The following TRIM71 variants were observed in gnomAD, a reference collection of about 807,000 sequenced individuals.
TRIM71 encodes the protein E3 ubiquitin-protein ligase TRIM71.
Under a neutral mutation model 61.2 loss-of-function variants are expected in TRIM71, and 9 were observed. That is an observed-to-expected ratio of 0.15 (90% CI 0.09 to 0.26). TRIM71 has a LOEUF of 0.26. Ranked by LOEUF, TRIM71 falls within the 10% of genes least tolerant of loss-of-function variation. The pLI, the probability that TRIM71 is intolerant of heterozygous loss-of-function variation, is 1.00. For missense variants in TRIM71, 998 were observed against 1,238.7 expected, an observed-to-expected ratio of 0.81 and a Z score of 2.92; for synonymous variants, 645 against 553.2, an observed-to-expected ratio of 1.17 and a Z score of -2.33.
chr3:32,825,979 G>GGA (rs1696195795), intron 1 of TRIM71, among the ~76,000 whole-genome samples: 1 of 152,252 alleles, frequency 6.6e-6, no homozygotes, highest in African/African-American at 2.4e-5. Context: ...CTAAAAAGTG[G>GGA]GAGGAGTAGG....
chr3:32,862,060 T>G (rs147260311), intron 1 of TRIM71, among the ~76,000 whole-genome samples: 1 of 152,330 alleles, frequency 6.6e-6, no homozygotes, highest in East Asian at 1.9e-4. Flanking sequence ...ATATCTTAAC[T>G]GCTTGATTTT....
Position 32,832,106 on chromosome 3 carries a change from G to C in TRIM71, c.852+13174G>C, listed in dbSNP as rs377233332. Reference sequence around the variant, plus strand: ...AGGAAAAGGTGAATTGTGGTGGGGGGGGATTCTCTACTTCCCTATATGGCC... The same window carrying C: ...AGGAAAAGGTGAATTGTGGTGGGGGCGGATTCTCTACTTCCCTATATGGCC... On this transcript the variant is annotated intron_variant, in intron 1 of 3. Transcript: ENST00000383763. 7.0e-4 allele frequency among the ~76,000 whole-genome samples: 107 copies of C among 152,076 alleles called. 1 individual carries two copies. Among genetic ancestry groups the C allele is most frequent in the African/African-American group, 2.1e-3 (87 of 41,424 alleles).
At chr3:32,864,580 A>G (rs1696708532) in intron 1 of TRIM71, among the ~76,000 whole-genome samples, 1 of 152,194 alleles carries the variant, frequency 6.6e-6, no homozygotes, top group African/African-American at 2.4e-5. Flanking sequence ...CGTGTTGTTT[A>G]TTCGAGATCC....
intron 2 of TRIM71, among the ~76,000 whole-genome samples, chr3:32,883,680 G>C (rs917614563): frequency 6.6e-6 from 1 of 152,206 alleles, no homozygotes; most frequent in Non-Finnish European, 1.5e-5. Context: ...CTGATGTTTG[G>C]AGGGACAATA....
At chr3:32,857,995 G>C (rs1022240331) in intron 1 of TRIM71, among the ~76,000 whole-genome samples, 1 of 150,452 alleles carries the variant, frequency 6.6e-6, no homozygotes, top group Admixed American at 6.6e-5. Context: ...GACACAAAAA[G>C]AAGAAGAAAA....
intron 3 of TRIM71, among the ~76,000 whole-genome samples, chr3:32,889,467 T>C (rs1696997992): frequency 6.7e-6 from 1 of 149,976 alleles, no homozygotes; most frequent in Admixed American, 6.7e-5. Context: ...TTAACTTTTA[T>C]TTTTTTTAAT....
intron 1 of TRIM71, among the ~76,000 whole-genome samples, chr3:32,871,616 C>T (rs1010447618): frequency 6.6e-6 from 1 of 152,182 alleles, no homozygotes; most frequent in African/African-American, 2.4e-5. Flanking sequence ...AGGAATTTTT[C>T]CTGAATTTAT....
chr3:32,829,101 C>G lies in TRIM71; in HGVS notation c.852+10169C>G, dbSNP rs571198858. Among the ~76,000 whole-genome samples the G allele has an allele frequency of 2.0e-5, 3 of 151,910 alleles. No homozygotes were observed. In the East Asian group the frequency reaches 5.8e-4, roughly 29 times the overall value. On this transcript the variant is annotated intron_variant, in intron 1 of 3. Coordinates refer to ENST00000383763, the MANE Select transcript of TRIM71 (RefSeq NM_001039111.3). ...CTCCGCTTCCCAGGTTCAAGCAATT[C>G]TTCTGCCTCAGCCTCCTGAGTAGCT...
chr3:32,880,498 T>A (rs935471984), intron 2 of TRIM71, among the ~76,000 whole-genome samples: 3 of 152,224 alleles, frequency 2.0e-5, no homozygotes, highest in South Asian at 4.1e-4. Flanking sequence ...TCCTAACTTA[T>A]GACTTTAAAG....
At chr3:32,836,939 T>G (rs1696340900) in intron 1 of TRIM71, among the ~76,000 whole-genome samples, 2 of 152,358 alleles carry the variant, frequency 1.3e-5, no homozygotes, top group African/African-American at 4.8e-5. Context: ...AAACGACCCA[T>G]TCCTTCAGCA....
intron 1 of TRIM71, among the ~76,000 whole-genome samples, chr3:32,870,395 G>A (rs189154392): frequency 1.8e-4 from 28 of 152,060 alleles, no homozygotes; most frequent in African/African-American, 6.5e-4. Context: ...TGTTGCAGGC[G>A]GCCTGGAGCT....
intron 1 of TRIM71, among the ~76,000 whole-genome samples, chr3:32,821,196 AT>A (rs1287965048): frequency 1.3e-5 from 2 of 152,146 alleles, no homozygotes; most frequent in Non-Finnish European, 2.9e-5. Flanking sequence ...GCTTTAGGAC[AT>A]TTTTGGAGGA....
chr3:32,850,990 A>C (rs2125681998), intron 1 of TRIM71, among the ~76,000 whole-genome samples: 1 of 152,322 alleles, frequency 6.6e-6, no homozygotes, highest in South Asian at 2.1e-4. Flanking sequence ...CACAAAATGA[A>C]AAACAAATTA....
chr3:32,879,847 G>A (rs1050890738), intron 2 of TRIM71, among the ~76,000 whole-genome samples: 1 of 151,748 alleles, frequency 6.6e-6, no homozygotes, highest in African/African-American at 2.4e-5. Flanking sequence ...CATGTTGCGT[G>A]TCTGTAGTCC....
intron 1 of TRIM71, among the ~76,000 whole-genome samples, chr3:32,840,785 T>TGACTGGC (rs1696395287): frequency 6.6e-6 from 1 of 152,092 alleles, no homozygotes; most frequent in Non-Finnish European, 1.5e-5. Context: ...CTAACACTGG[T>TGACTGGC]GAAGCCTTGC....
In TRIM71 at chr3:32,829,652, T is replaced by TGTGTGTGTGTGTGTGTG. The variant is rs1575341635; in HGVS notation, c.852+10720_852+10721insGTGTGTGTGTGTGTGTG. On this transcript the variant is annotated intron_variant, in intron 1 of 3. Coordinates refer to ENST00000383763, the MANE Select transcript of TRIM71 (RefSeq NM_001039111.3). ...TGTGTGTGTGTGTGTGTGTGTGTGT[T>TGTGTGTGTGTGTGTGTG]TGTGTGTGCGTGTGTGTGCATTGGA... Among the ~76,000 whole-genome samples the TGTGTGTGTGTGTGTGTG allele has an allele frequency of 6.1e-5, 5 of 81,872 alleles. No individual in the cohort carries two copies. The East Asian group carries it at 1.8e-3, about 29-fold the overall frequency. 53.7% of individuals were successfully genotyped at this position (81,872 alleles called of 152,430 possible).
intron 1 of TRIM71, among the ~76,000 whole-genome samples, chr3:32,870,796 C>A (rs752562873): frequency 2.0e-5 from 3 of 152,090 alleles, no homozygotes; most frequent in Non-Finnish European, 4.4e-5. Flanking sequence ...CTGGCTCAGC[C>A]CAGAACTTAC....
chr3:32,888,363 C>A (rs1335688675), intron 3 of TRIM71, among the ~76,000 whole-genome samples: 1 of 143,992 alleles, frequency 6.9e-6, no homozygotes, highest in Non-Finnish European at 1.5e-5. Flanking sequence ...CTTTGGGAGG[C>A]TGAGGTGGGA....
rs746444692 is a variant in TRIM71 at position 32,818,209 on chromosome 3, G to C, written c.129G>C (p.Gly43=). The change falls in exon 1 of 4, where the codon GGG becomes GGC. Residue 43 remains glycine (G), a synonymous_variant. Coordinates refer to ENST00000383763, the MANE Select transcript of TRIM71 (RefSeq NM_001039111.3). The part of the protein sequence containing the change: ...SSSSQTSTSS[G]GGGGGPGAAA... Reference sequence around the variant, plus strand: ...CCTCGCAGACGTCCACGTCGTCGGGGGGCGGCGGCGGGGGCCCTGGGGCGG... The same window carrying C: ...CCTCGCAGACGTCCACGTCGTCGGGCGGCGGCGGCGGGGGCCCTGGGGCGG... 6.4e-7 allele frequency: 1 copy of C among 1,556,898 alleles called. No homozygotes were observed. The highest frequency in any genetic ancestry group is 8.6e-7 in the Non-Finnish European group (1 of 1,157,438).
Sources: allele counts gnomAD v4.1 joint callset (sites outside exome capture counted in the v4.1 genomes callset), GRCh38; gene constraint gnomAD v4.1.1; transcripts MANE v1.5; gene names NCBI Gene and HGNC (gene_info 2026-07-23, HGNC 2026-07-21).